SLC45A1: variants seen among roughly 807,000 people sequenced by gnomAD.
The protein encoded by SLC45A1 is proton-associated sugar transporter A.
In SLC45A1, 28 loss-of-function variants were observed where a neutral mutation model predicts 57.6. That is an observed-to-expected ratio of 0.49 (90% CI 0.36 to 0.67). The LOEUF is 0.67. SLC45A1 is among the 30% of genes least tolerant of loss of function. The pLI is 0.00. For synonymous variants in SLC45A1, 459 were observed against 471.5 expected (o/e 0.97, Z 0.34); for missense variants, 814 against 1,041.5 (o/e 0.78, Z 3.01).
rs1569941538 is a variant in SLC45A1 at position 8,328,584 on chromosome 1, C to A, written c.716-1625C>A. On this transcript the variant is annotated intron_variant, in intron 4 of 8. Transcript: ENST00000471889. This position sits in a 1 kb window ranked among gnomAD's most constrained non-coding sequence, Gnocchi z 4.6. ...CCGGGCGTGGTGGCTCATGCATGTA[C>A]TCCCAGCACTTTGGGAGACCAAGGC... Among the ~76,000 whole-genome samples, 2 of 151,868 alleles carry A rather than the reference C, an allele frequency of 1.3e-5. No homozygotes were observed. Among genetic ancestry groups the A allele is most frequent in the African/African-American group, 4.8e-5 (2 of 41,312 alleles).
chr1:8,335,513 TG>T lies in SLC45A1; in HGVS notation c.1521del (p.Ser508ProfsTer66). On this transcript the variant is annotated frameshift_variant, in exon 6 of 9. Transcript: ENST00000471889. LOFTEE classifies it high-confidence loss of function. The surrounding 1 kb of genome is among the most constrained non-coding windows in gnomAD (Gnocchi z 4.1). ...TGSSERAEQPLSVGRLCSTIC... is the reference protein window; with the variant it reads ...TGSSERAEQPXSVGRLCSTIC... Reference sequence around the variant, plus strand: ...TCCAGCGAGCGCGCGGAGCAGCCTCTGTCCGTGGGGCGCCTCTGCTCCACCA... The same window carrying T: ...TCCAGCGAGCGCGCGGAGCAGCCTCTTCCGTGGGGCGCCTCTGCTCCACCA... 6.2e-7 allele frequency: 1 copy of T among 1,604,966 alleles called. No individual in the cohort carries two copies. Among genetic ancestry groups the T allele is most frequent in the Non-Finnish European group, 8.5e-7 (1 of 1,179,850 alleles).
Position 8,338,102 on chromosome 1 carries a change from A to C in SLC45A1, c.1774+110A>C, listed in dbSNP as rs542803868. On this transcript the variant is annotated intron_variant, in intron 7 of 8. Coordinates refer to ENST00000471889, the MANE Select transcript of SLC45A1 (RefSeq NM_001080397.3). ...CTTACGATTGCAGACACCACATCCCAATTTGGGGGACGCCACTGTCTTTCC... is the reference window on the plus strand; with the variant it reads ...CTTACGATTGCAGACACCACATCCCCATTTGGGGGACGCCACTGTCTTTCC... 4.5e-5 allele frequency: 45 copies of C among 994,774 alleles called. No homozygotes were observed. In the East Asian group the frequency reaches 1.2e-3, roughly 26 times the overall value. 61.6% of individuals were successfully genotyped at this position (994,774 alleles called of 1,614,324 possible).
At chr1:8,320,591 G>C (rs557495386) in intron 1 of SLC45A1, among the ~76,000 whole-genome samples, 2 of 152,136 alleles carry the variant, frequency 1.3e-5, no homozygotes, top group Non-Finnish European at 2.9e-5. Context: ...GCTGCACTGA[G>C]CGATGATGAC....
At chr1:8,324,204 G>A in intron 1 of SLC45A1, 102 bp from the exon 2 acceptor site, 1 of 1,062,438 alleles carries the variant, frequency 9.4e-7, no homozygotes, top group South Asian at 1.5e-5. Context: ...CTGCTTTCGG[G>A]GGATGGTGTT....
chr1:8,332,422 T>C (rs1640443443), intron 5 of SLC45A1, among the ~76,000 whole-genome samples: 2 of 152,152 alleles, frequency 1.3e-5, no homozygotes, highest in African/African-American at 4.8e-5. Flanking sequence ...GGAAAGCTGT[T>C]TAAGTTGGTA....
intron 1 of SLC45A1, among the ~76,000 whole-genome samples, chr1:8,322,018 GAT>G (rs1557557330): frequency 3.0e-4 from 24 of 80,556 alleles, no homozygotes; most frequent in South Asian, 2.0e-3. Flanking sequence ...TGGATGGATG[GAT>G]GGATGGATGG....
chr1:8,330,404 A>G lies in SLC45A1; in HGVS notation c.911A>G (p.Lys304Arg), dbSNP rs1640354932. 1.2e-6 allele frequency: 2 copies of G among 1,612,478 alleles called. No individual in the cohort carries two copies. The highest frequency in any genetic ancestry group is 2.7e-5 in the African/African-American group (2 of 74,872). Residue 304 changes from lysine (K) to arginine (R), a missense_variant, in exon 5 of 9, where the codon AAG becomes AGG. Physicochemically the swap from Lys to Arg is conservative, Grantham distance 26. Coordinates refer to ENST00000471889, the MANE Select transcript of SLC45A1 (RefSeq NM_001080397.3). The surrounding 1 kb of genome is among the most constrained non-coding windows in gnomAD (Gnocchi z 8.4). ...CCGAGTGAGAAGCGGGCAGCCATGA[A>G]GAGCCCCAGCCTCCCGCTGCCCCCG... ...RPPSEKRAAM[K>R]SPSLPLPPSP...
rs1436353760 is a variant in SLC45A1 at position 8,328,542 on chromosome 1, A to G, written c.716-1667A>G. Among the ~76,000 whole-genome samples, 1 of 152,124 alleles carries G rather than the reference A, an allele frequency of 6.6e-6. No homozygotes were observed. The highest frequency in any genetic ancestry group is 1.5e-5 in the Non-Finnish European group (1 of 68,032). On this transcript the variant is annotated intron_variant, in intron 4 of 8. Transcript: ENST00000471889. The surrounding 1 kb of genome is among the most constrained non-coding windows in gnomAD (Gnocchi z 4.6). The stretch of plus-strand genomic sequence containing the variant: ...CTTTGATCATTCAAGAAAATTAGCT[A>G]GTAAAGTTCATCTGGGCCGGGCGTG...
chr1:8,335,375 A>G lies in SLC45A1; in HGVS notation c.1444-62A>G. Reference sequence around the variant, plus strand: ...GAGAGCGCATTCCCCTGAGCAGAGCAGGGTCTGCGCTGTGTGATGGGGGTG... The same window carrying G: ...GAGAGCGCATTCCCCTGAGCAGAGCGGGGTCTGCGCTGTGTGATGGGGGTG... On this transcript the variant is annotated intron_variant, in intron 5 of 8. Transcript: ENST00000471889. The surrounding 1 kb of genome is among the most constrained non-coding windows in gnomAD (Gnocchi z 4.1). The G allele has an allele frequency of 6.9e-7, 1 of 1,455,344 alleles. No individual in the cohort carries two copies. 90.2% of individuals were successfully genotyped at this position (1,455,344 alleles called of 1,614,324 possible).
chr1:8,332,280 A>T (rs1197330381), intron 5 of SLC45A1, among the ~76,000 whole-genome samples: 1 of 152,184 alleles, frequency 6.6e-6, no homozygotes. Flanking sequence ...TGGACGGTGG[A>T]AACAAAACGT....
At chr1:8,342,024 AG>A (rs1192418789) in intron 8 of SLC45A1, among the ~76,000 whole-genome samples, 2 of 152,068 alleles carry the variant, frequency 1.3e-5, no homozygotes, top group Admixed American at 1.3e-4. Context: ...TGGCTAACAC[AG>A]TGAAGCCCCT....
In SLC45A1 at chr1:8,335,788, GC is replaced by G. The variant is rs749982263; in HGVS notation, c.1597+202del. Among the ~76,000 whole-genome samples the G allele has an allele frequency of 6.6e-6, 1 of 152,148 alleles. No individual in the cohort carries two copies. The highest frequency in any genetic ancestry group is 1.9e-4 in the East Asian group (1 of 5,170). ...TTCTCCAGGGTGCCTGCCCTGCATA[GC>G]CCCAAACTAAACCAGGTGTCACCAT... On this transcript the variant is annotated intron_variant, in intron 6 of 8. Coordinates refer to ENST00000471889, the MANE Select transcript of SLC45A1 (RefSeq NM_001080397.3). This position sits in a 1 kb window ranked among gnomAD's most constrained non-coding sequence, Gnocchi z 4.1.
chr1:8,330,502 C>T lies in SLC45A1; in HGVS notation c.1009C>T (p.Pro337Ser). The T allele has an allele frequency of 6.2e-7, 1 of 1,613,162 alleles. No individual in the cohort carries two copies. The part of the protein sequence containing the change: ...PSHTATNFSS[P>S]ISPPSPLTPK... ...GCACACGGCCACCAACTTCTCCAGCCCCATCTCGCCGCCCAGCCCCCTCAC... is the reference window on the plus strand; with the variant it reads ...GCACACGGCCACCAACTTCTCCAGCTCCATCTCGCCGCCCAGCCCCCTCAC... Residue 337 changes from proline to serine, a missense_variant, in exon 5 of 9, where the codon CCC becomes TCC. Pro to Ser is a moderately conservative substitution (Grantham distance 74). Transcript: ENST00000471889. This position sits in a 1 kb window ranked among gnomAD's most constrained non-coding sequence, Gnocchi z 8.4.
chr1:8,325,252 G>C lies in SLC45A1; in HGVS notation c.398-46G>C. On this transcript the variant is annotated intron_variant, in intron 2 of 8. Coordinates refer to ENST00000471889, the MANE Select transcript of SLC45A1 (RefSeq NM_001080397.3). This position sits in a 1 kb window ranked among gnomAD's most constrained non-coding sequence, Gnocchi z 6.3. ...GTGGAGGCTGATTCGATGTCCCCATGTGCCATGGGGACCCTGGCAATGACC... is the reference window on the plus strand; with the variant it reads ...GTGGAGGCTGATTCGATGTCCCCATCTGCCATGGGGACCCTGGCAATGACC... The C allele has an allele frequency of 7.8e-7, 1 of 1,281,864 alleles. No individual in the cohort carries two copies. The highest frequency in any genetic ancestry group is 1.1e-6 in the Non-Finnish European group (1 of 879,780). 79.4% of individuals were successfully genotyped at this position (1,281,864 alleles called of 1,614,324 possible). A position where few individuals can be genotyped will look rare whatever the true frequency, so the allele number is the denominator to read the frequency against.
intron 8 of SLC45A1, among the ~76,000 whole-genome samples, chr1:8,340,847 C>T (rs947016438): frequency 1.3e-5 from 2 of 152,074 alleles, no homozygotes; most frequent in African/African-American, 2.4e-5. Context: ...GCTGAAATCT[C>T]GTTACGGATT....
rs1467742079 is a variant in SLC45A1 at position 8,328,444 on chromosome 1, G to A, written c.716-1765G>A. On this transcript the variant is annotated intron_variant, in intron 4 of 8. Coordinates refer to ENST00000471889, the MANE Select transcript of SLC45A1 (RefSeq NM_001080397.3). This position sits in a 1 kb window ranked among gnomAD's most constrained non-coding sequence, Gnocchi z 4.6. ...GGAACTTCTAAAGGGGCCATGCCGG[G>A]CGAGTGCTGGGCTTGGCAGAGAGGA... is the stretch of plus-strand genomic sequence containing the variant. 6.6e-6 allele frequency among the ~76,000 whole-genome samples: 1 copy of A among 152,242 alleles called. No homozygotes were observed. Among genetic ancestry groups the A allele is most frequent in the Non-Finnish European group, 1.5e-5 (1 of 68,048 alleles).
rs1181650399 is a variant in SLC45A1, at chr1:8,324,451, A to G, written c.122A>G (p.His41Arg). 3 of 1,612,788 alleles carry G rather than the reference A, an allele frequency of 1.9e-6. No homozygotes were observed. The highest frequency in any genetic ancestry group is 2.5e-6 in the Non-Finnish European group (3 of 1,179,978). Reference protein sequence around the residue: ...YSGSVTRHLSHRANNFKRHPK... With the variant: ...YSGSVTRHLSRRANNFKRHPK... The stretch of plus-strand genomic sequence containing the variant: ...GGGTCCGTGACACGACACCTCAGTC[A>G]CCGGGCCAACAACTTCAAACGACAC... Residue 41 changes from histidine to arginine, a missense_variant, in exon 2 of 9, where the codon CAC (histidine) becomes CGC (arginine). By Grantham distance (29) the His-to-Arg change is conservative. Coordinates refer to ENST00000471889, the MANE Select transcript of SLC45A1 (RefSeq NM_001080397.3).
Position 8,335,378 on chromosome 1 carries a change from G to C in SLC45A1, c.1444-59G>C, listed in dbSNP as rs760323518. ...AGCGCATTCCCCTGAGCAGAGCAGG[G>C]TCTGCGCTGTGTGATGGGGGTGCGG... is the stretch of plus-strand genomic sequence containing the variant. On this transcript the variant is annotated intron_variant, in intron 5 of 8. Transcript: ENST00000471889. This position sits in a 1 kb window ranked among gnomAD's most constrained non-coding sequence, Gnocchi z 4.1. 1 of 1,503,612 alleles carries C rather than the reference G, an allele frequency of 6.7e-7. No individual in the cohort carries two copies. Among genetic ancestry groups the C allele is most frequent in the South Asian group, 1.3e-5 (1 of 79,420 alleles). The allele number at this position is 1,503,612 out of a possible 1,614,324, so 93.1% of individuals were successfully genotyped here.
chr1:8,341,854 A>G (rs1031911037), intron 8 of SLC45A1, among the ~76,000 whole-genome samples: 2 of 151,984 alleles, frequency 1.3e-5, no homozygotes, highest in African/African-American at 4.8e-5. Flanking sequence ...TGGGAGGCGG[A>G]GGTTGCACTG....
Sources: gnomAD v4.1 joint callset for allele counts (sites outside exome capture counted in the v4.1 genomes callset) on GRCh38, gnomAD v4.1.1 for gene constraint, Gnocchi (gnomAD v3.1) non-coding constraint, MANE v1.5 for transcripts, NCBI Gene and HGNC (gene_info 2026-07-23, HGNC 2026-07-21) for gene names.